CDK12: variants seen among roughly 807,000 people sequenced by gnomAD.
CDK12 encodes the protein cyclin dependent kinase 12.
Under a neutral mutation model 133.8 loss-of-function variants are expected in CDK12, and 17 were observed. The observed-to-expected ratio is 0.13, with a 90% CI of 0.09 to 0.19. The LOEUF is 0.19. CDK12 is among the 10% of genes least tolerant of loss of function. The probability of loss-of-function intolerance (pLI) is 1.00; values close to 1 mark genes in which losing one functional copy is unlikely to be tolerated. For missense variants in CDK12, 1,508 were observed against 1,818.7 expected (o/e 0.83, Z 3.11); for synonymous variants, 694 against 683.6 (o/e 1.02, Z -0.24).
At chr17:39,489,531 G>C (rs561383109) in intron 2 of CDK12, among the ~76,000 whole-genome samples, 8 of 141,234 alleles carry the variant, frequency 5.7e-5, no homozygotes, top group Non-Finnish European at 9.2e-5. Context: ...TTGAGACGGA[G>C]TTTCATACTG....
rs1226061741 is a variant in CDK12, at chr17:39,530,895, T to C, written c.4052T>C (p.Ile1351Thr). The stretch of plus-strand genomic sequence containing the variant: ...GGGCCTGAAACAGGGTTCAGTGCCA[T>C]TGACACTGATGAACGAAACTCTGGT... ...TDGPETGFSA[I>T]DTDERNSGPA... The change falls in exon 14 of 14, where the codon ATT becomes ACT. Residue 1351 changes from isoleucine (I) to threonine (T), a missense_variant. By Grantham distance (89) the Ile-to-Thr change is moderately conservative. Around this residue, in one of 9 missense-constraint regions of CDK12, gnomAD observed 399 missense variants for 469.6 expected, o/e 0.85. Coordinates refer to ENST00000447079, the MANE Select transcript of CDK12 (RefSeq NM_016507.4). 1 of 1,614,038 alleles carries C rather than the reference T, an allele frequency of 6.2e-7. No individual in the cohort carries two copies. The highest frequency in any genetic ancestry group is 2.2e-5 in the East Asian group (1 of 44,888).
chr17:39,547,356 G>A (rs113752280), upstream of CDK12, among the ~76,000 whole-genome samples: 2 of 151,950 alleles, frequency 1.3e-5, no homozygotes, highest in African/African-American at 2.4e-5. Context: ...GGCTGGTCTC[G>A]AACTCCCGAC....
chr17:39,540,113 T>TC (rs1208171525), intron 1 of CDK12, among the ~76,000 whole-genome samples: 2 of 152,174 alleles, frequency 1.3e-5, no homozygotes, highest in African/African-American at 4.8e-5. Flanking sequence ...CATGAAGCAC[T>TC]GAGAGTTTAC....
At chr17:39,508,382 T>A (rs2053268223) in intron 6 of CDK12, among the ~76,000 whole-genome samples, 1 of 152,184 alleles carries the variant, frequency 6.6e-6, no homozygotes, top group South Asian at 2.1e-4. Context: ...CTAAACAGGT[T>A]ACATGAATTT....
chr17:39,468,302 C>G (rs1463046259), intron 1 of CDK12, among the ~76,000 whole-genome samples: 1 of 152,098 alleles, frequency 6.6e-6, no homozygotes, highest in East Asian at 1.9e-4. Flanking sequence ...TTCCCTTACA[C>G]ATATATGTTG....
downstream of CDK12, among the ~76,000 whole-genome samples, chr17:39,566,402 G>A (rs1265796490): frequency 2.6e-5 from 4 of 152,094 alleles, no homozygotes; most frequent in African/African-American, 9.7e-5. Context: ...AGGGAGAGTC[G>A]TGCAGTGTTG....
At chr17:39,483,571 A>G (rs1202211505) in intron 2 of CDK12, among the ~76,000 whole-genome samples, 1 of 151,962 alleles carries the variant, frequency 6.6e-6, no homozygotes, top group Non-Finnish European at 1.5e-5. Flanking sequence ...GTCTGAAATC[A>G]TGTTTTAAAC....
chr17:39,555,339 G>C (rs1165414707), intron 2 of CDK12, among the ~76,000 whole-genome samples: 1 of 152,088 alleles, frequency 6.6e-6, no homozygotes, highest in East Asian at 1.9e-4. Context: ...CTGTGACAGA[G>C]CCTGAGTTCT....
chr17:39,476,679 C>CA (rs1362004678), intron 2 of CDK12, among the ~76,000 whole-genome samples: 5 of 133,754 alleles, frequency 3.7e-5, no homozygotes, highest in Admixed American at 3.5e-4. Context: ...CCACAAAGTG[C>CA]AGAGATTACA....
At chr17:39,493,381 T>C (rs1182051176) in intron 4 of CDK12, among the ~76,000 whole-genome samples, 1 of 151,946 alleles carries the variant, frequency 6.6e-6, no homozygotes, top group Non-Finnish European at 1.5e-5. Flanking sequence ...CAATCTCTGC[T>C]CACTGCAGGC....
chr17:39,547,417 TG>T (rs1172327724), upstream of CDK12, among the ~76,000 whole-genome samples: 1 of 152,224 alleles, frequency 6.6e-6, no homozygotes, highest in African/African-American at 2.4e-5. Context: ...ATTACAGGTG[TG>T]AGCCACTGCG....
chr17:39,492,690 T>A (rs2051736366), intron 3 of CDK12, 61 bp from the exon 4 acceptor site: 1 of 1,401,420 alleles, frequency 7.1e-7, no homozygotes, highest in Non-Finnish European at 9.8e-7. Flanking sequence ...ATTACAGGCA[T>A]GAGCCACCGC....
chr17:39,532,102 T>TTCTCTCTCTCTCTC lies in CDK12; in HGVS notation c.*814_*827dup, dbSNP rs71843922. The TTCTCTCTCTCTCTC allele has an allele frequency of 2.6e-4, 56 of 218,626 alleles. No individual in the cohort carries two copies. Among genetic ancestry groups the TTCTCTCTCTCTCTC allele is most frequent in the African/African-American group, 1.3e-3 (50 of 38,520 alleles). The allele number at this position is 218,626 out of a possible 1,614,324, so 13.5% of individuals were successfully genotyped here. A position where few individuals can be genotyped will look rare whatever the true frequency, so the allele number is the denominator to read the frequency against. ...GCTGATGTGTGCTCTCTCTCTCTCT[T>TTCTCTCTCTCTCTC]TCTCTCTCTCTCTCTCTCTCTCTCT... On this transcript the variant is annotated 3_prime_UTR_variant, in exon 14 of 14. Transcript: ENST00000447079.
chr17:39,553,273 T>G (rs992078531), intron 2 of CDK12, among the ~76,000 whole-genome samples: 3 of 151,952 alleles, frequency 2.0e-5, no homozygotes, highest in Admixed American at 6.6e-5. Context: ...CTTGACACCT[T>G]GGAGTTTGTT....
At chr17:39,499,770 T>G (rs1344366826) in intron 5 of CDK12, among the ~76,000 whole-genome samples, 1 of 152,104 alleles carries the variant, frequency 6.6e-6, no homozygotes, top group Non-Finnish European at 1.5e-5. Flanking sequence ...TGCCTTGGCC[T>G]CCCAAAGTGC....
At chr17:39,506,308 C>T (rs979336282) in intron 6 of CDK12, among the ~76,000 whole-genome samples, 2 of 150,930 alleles carry the variant, frequency 1.3e-5, no homozygotes, top group African/African-American at 4.9e-5. Context: ...CTCTGCCTCC[C>T]GGTTCAAGCC....
In CDK12 at chr17:39,471,669, G is replaced by A. The variant is rs960042751; in HGVS notation, c.1837G>A (p.Val613Ile). Residue 613 changes from valine (V) to isoleucine (I), a missense_variant, in exon 2 of 14, where the codon GTA becomes ATA. By Grantham distance (29) the Val-to-Ile change is conservative. This residue lies in a region of CDK12 where 347 missense variants were observed against 330.8 expected (regional missense o/e 1.05). Coordinates refer to ENST00000447079, the MANE Select transcript of CDK12 (RefSeq NM_016507.4). ...PPVQVSVKTQ[V>I]SVTAAIPHLK... Reference sequence around the variant, plus strand: ...TGTACAGGTTTCTGTGAAGACTCAAGTATCTGTAACAGCTGCTATTCCACA... The same window carrying A: ...TGTACAGGTTTCTGTGAAGACTCAAATATCTGTAACAGCTGCTATTCCACA... 3 of 1,613,956 alleles carry A rather than the reference G, an allele frequency of 1.9e-6. No homozygotes were observed. The highest frequency in any genetic ancestry group is 2.5e-6 in the Non-Finnish European group (3 of 1,179,994).
At position 39,462,490 on chromosome 17, in the gene CDK12, C is replaced by G; in HGVS notation, c.419C>G (p.Ser140Trp). The change falls in exon 1 of 14, where the codon TCG becomes TGG. Residue 140 changes from serine (S) to tryptophan (W), a missense_variant. Physicochemically the swap from Ser to Trp is radical, Grantham distance 177 (BLOSUM62 -3). Coordinates refer to ENST00000447079, the MANE Select transcript of CDK12 (RefSeq NM_016507.4). The stretch of plus-strand genomic sequence containing the variant: ...AAAAGCCAAGAAGTCTCCAGCAAGT[C>G]GGGATCGATGAAGGACCGGATATCG... Reference protein sequence around the residue: ...KEKSQEVSSKSGSMKDRISGS... With the variant: ...KEKSQEVSSKWGSMKDRISGS... The G allele has an allele frequency of 6.2e-7, 1 of 1,614,052 alleles. No homozygotes were observed. The highest frequency in any genetic ancestry group is 1.3e-5 in the African/African-American group (1 of 75,024).
In CDK12 at chr17:39,501,571, C is replaced by T. The variant is rs1369477464; in HGVS notation, c.2609+132C>T. On this transcript the variant is annotated intron_variant, in intron 6 of 13. Coordinates refer to ENST00000447079, the MANE Select transcript of CDK12 (RefSeq NM_016507.4). ...ACACACTATTTAGTGATATTTCCTACGTTCAGTGTGGGAGAAACATACCTG... is the reference window on the plus strand; with the variant it reads ...ACACACTATTTAGTGATATTTCCTATGTTCAGTGTGGGAGAAACATACCTG... 22 of 594,926 alleles carry T rather than the reference C, an allele frequency of 3.7e-5. 1 individual carries two copies. The highest frequency in any genetic ancestry group is 3.4e-4 in the South Asian group (14 of 41,472). The allele number at this position is 594,926 out of a possible 1,614,324, so 36.9% of individuals were successfully genotyped here.
Sources: allele counts gnomAD v4.1 joint callset (sites outside exome capture counted in the v4.1 genomes callset), GRCh38; gene constraint gnomAD v4.1.1; regional missense constraint gnomAD v4.1.1; transcripts MANE v1.5; gene names NCBI Gene and HGNC (gene_info 2026-07-23, HGNC 2026-07-21).